The following ARMC8 variants were observed in gnomAD, a reference collection of about 807,000 sequenced individuals.
ARMC8 encodes the protein armadillo repeat containing 8.
Under a neutral mutation model 99.3 loss-of-function variants are expected in ARMC8, and 20 were observed. That is an observed-to-expected ratio of 0.20 (90% confidence interval 0.14 to 0.29). ARMC8 has a LOEUF of 0.29. Ranked by LOEUF, ARMC8 falls within the 10% of genes least tolerant of loss-of-function variation. ARMC8 has a pLI of 1.00. For missense variants in ARMC8, 569 were observed against 809.5 expected, an observed-to-expected ratio of 0.70 and a Z score of 3.60; for synonymous variants, 263 against 278.3, an observed-to-expected ratio of 0.95 and a Z score of 0.55.
chr3:138,193,870 C>A (rs374633879), intron 1 of ARMC8, among the ~76,000 whole-genome samples: 1 of 152,162 alleles, frequency 6.6e-6, no homozygotes, highest in African/African-American at 2.4e-5. Context: ...TGAAAACTTA[C>A]GCTCTGTGAA....
At chr3:138,231,192 A>G (rs936798350) in intron 6 of ARMC8, among the ~76,000 whole-genome samples, 1 of 152,184 alleles carries the variant, frequency 6.6e-6, no homozygotes, top group Non-Finnish European at 1.5e-5. Context: ...AACTTTACCG[A>G]TATACTGACA....
rs1157079249 is a variant in ARMC8, at chr3:138,266,274, AT to A, written c.1300-878del. On this transcript the variant is annotated intron_variant, in intron 14 of 21. Coordinates refer to ENST00000469044, the MANE Select transcript of ARMC8 (RefSeq NM_001363941.2). The stretch of plus-strand genomic sequence containing the variant: ...AAGAGCCCCAAATCTCAGAATGGTT[AT>A]TTACCTACACTCTACTCTCCAGCTA... 1.7e-3 allele frequency among the ~76,000 whole-genome samples: 260 copies of A among 152,092 alleles called. 1 individual carries two copies. The highest frequency in any genetic ancestry group is 5.9e-3 in the African/African-American group (243 of 41,510).
intron 18 of ARMC8, among the ~76,000 whole-genome samples, chr3:138,277,999 A>G (rs1445058638): frequency 2.0e-5 from 3 of 152,244 alleles, no homozygotes; most frequent in African/African-American, 4.8e-5. Flanking sequence ...TGCCAGATAC[A>G]ATACAAAAGG....
chr3:138,218,226 A>G (rs988001269), intron 2 of ARMC8, among the ~76,000 whole-genome samples: 1 of 151,614 alleles, frequency 6.6e-6, no homozygotes, highest in African/African-American at 2.4e-5. Context: ...TGGAGATCAC[A>G]AGGGGGGGCA....
At chr3:138,190,937 T>C (rs969611228) in intron 1 of ARMC8, among the ~76,000 whole-genome samples, 1 of 152,150 alleles carries the variant, frequency 6.6e-6, no homozygotes, top group Non-Finnish European at 1.5e-5. Context: ...AAACATGTCA[T>C]AGAGGAAACT....
Position 138,240,224 on chromosome 3 carries a change from TA to T in ARMC8, c.837+702del, listed in dbSNP as rs1229938934. On this transcript the variant is annotated intron_variant, in intron 10 of 21. Transcript: ENST00000469044. ...ATACATTAAAATGTCTTATTAGCTA[TA>T]AAAAATTAAGTATAAGTAAATTGAT... is the stretch of plus-strand genomic sequence containing the variant. Among the ~76,000 whole-genome samples the T allele has an allele frequency of 7.2e-5, 11 of 152,302 alleles. No individual in the cohort carries two copies. The East Asian group carries it at 1.9e-3, about 27-fold the overall frequency.
intron 1 of ARMC8, among the ~76,000 whole-genome samples, chr3:138,205,155 A>G (rs545316555): frequency 2.8e-4 from 35 of 125,162 alleles, no homozygotes; most frequent in Admixed American, 2.3e-3. Context: ...TGCAACCTCC[A>G]CCTCCCTGGT....
At chr3:138,295,774 C>T in intron 21 of ARMC8, 85 bp from the exon 22 acceptor site, 1 of 1,492,198 alleles carries the variant, frequency 6.7e-7, no homozygotes, top group Non-Finnish European at 9.3e-7. Context: ...TTTTAGACTT[C>T]CCCAGCTATC....
At chr3:138,252,325 C>T (rs2047155798) in intron 12 of ARMC8, among the ~76,000 whole-genome samples, 2 of 152,148 alleles carry the variant, frequency 1.3e-5, no homozygotes, top group East Asian at 1.9e-4. Context: ...CTGTTTTGCA[C>T]TACCGAGGCA....
chr3:138,188,592 A>G, intron 1 of ARMC8: 1 of 1,607,442 alleles, frequency 6.2e-7, no homozygotes, highest in Non-Finnish European at 8.5e-7. Context: ...CTGATTGACC[A>G]TCTTTTAGAC....
At chr3:138,277,748 T>G (rs1032356872) in intron 18 of ARMC8, among the ~76,000 whole-genome samples, 1 of 152,212 alleles carries the variant, frequency 6.6e-6, no homozygotes. Context: ...AAGTTGTACA[T>G]ATACGTGCCA....
At chr3:138,245,326 G>C in intron 12 of ARMC8, 143 bp downstream of exon 12, 1 of 1,532,840 alleles carries the variant, frequency 6.5e-7, no homozygotes, top group South Asian at 1.3e-5. Flanking sequence ...ATTGAAGAAT[G>C]AATGGGACCC....
chr3:138,272,342 C>CAACT (rs1248142866), intron 16 of ARMC8, among the ~76,000 whole-genome samples: 1 of 152,138 alleles, frequency 6.6e-6, no homozygotes, highest in Non-Finnish European at 1.5e-5. Flanking sequence ...GTACAGCAGG[C>CAACT]AACTTGATAA....
At chr3:138,224,251 C>T (rs552566785) in intron 5 of ARMC8, among the ~76,000 whole-genome samples, 2 of 151,750 alleles carry the variant, frequency 1.3e-5, no homozygotes, top group East Asian at 3.9e-4. Context: ...AGCCACTGCG[C>T]CCGACAACAA....
At chr3:138,264,412 CTTTTTTTTTTT>C (rs11298899) in intron 14 of ARMC8, among the ~76,000 whole-genome samples, 200 bp downstream of exon 14, 2 of 48,630 alleles carry the variant, frequency 4.1e-5, no homozygotes, top group African/African-American at 7.7e-5. Context: ...GATTTTCTTT[CTTTTTTTTTTT>C]TTTTTTTTTT....
In ARMC8 at chr3:138,225,176, C is replaced by T. The variant is rs376953990; in HGVS notation, c.435+1443C>T. On this transcript the variant is annotated intron_variant, in intron 5 of 21. Transcript: ENST00000469044. ...AGGCTGGAGTGCAGTGGAGGAATCT[C>T]GGCCCTGCAACCTCCGCCTCCTGAG... 4.1e-4 allele frequency among the ~76,000 whole-genome samples: 58 copies of T among 140,912 alleles called. 1 individual carries two copies. The South Asian group carries it at 6.3e-3, about 15-fold the overall frequency. 92.4% of individuals were successfully genotyped at this position (140,912 alleles called of 152,430 possible).
intron 2 of ARMC8, among the ~76,000 whole-genome samples, chr3:138,217,269 A>G (rs2045111298): frequency 6.6e-6 from 1 of 152,210 alleles, no homozygotes; most frequent in Non-Finnish European, 1.5e-5. Context: ...CCAGTCTTCA[A>G]TACTTTTAAA....
intron 1 of ARMC8, 25 bp from the exon 2 acceptor site, chr3:138,209,792 C>T: frequency 1.2e-6 from 2 of 1,606,260 alleles, no homozygotes; most frequent in Non-Finnish European, 1.7e-6. Flanking sequence ...CTTCAGATGT[C>T]ATAATTTTTC....
intron 12 of ARMC8, among the ~76,000 whole-genome samples, chr3:138,250,029 G>A (rs960544089): frequency 1.3e-5 from 2 of 152,012 alleles, no homozygotes; most frequent in Non-Finnish European, 2.9e-5. Context: ...TTAAGTTTTT[G>A]TTCCTTGAAG....
Sources: gnomAD v4.1 joint callset for allele counts (sites outside exome capture counted in the v4.1 genomes callset) on GRCh38, gnomAD v4.1.1 for gene constraint, MANE v1.5 for transcripts, NCBI Gene and HGNC (gene_info 2026-07-23, HGNC 2026-07-21) for gene names.